Variants in OSBPL1A observed in about 807,000 individuals in gnomAD.
OSBPL1A encodes oxysterol binding protein like 1A, also known as oxysterol-binding protein-related protein 1.
OSBPL1A carries 80 observed loss-of-function variants against 137.1 expected under a neutral mutation model. The observed-to-expected ratio is 0.58, with a 90% confidence interval of 0.49 to 0.70. The LOEUF is 0.70. OSBPL1A is among the 30% of genes least tolerant of loss of function. The pLI is 0.00. For missense variants in OSBPL1A, 970 were observed against 1,129.4 expected, an observed-to-expected ratio of 0.86 and a Z score of 2.02; for synonymous variants, 365 against 389.7, an observed-to-expected ratio of 0.94 and a Z score of 0.75.
chr18:24,354,557 G>A (rs73943434), intron 4 of OSBPL1A, among the ~76,000 whole-genome samples: 18,055 of 151,950 alleles, frequency 0.12, 1,360 homozygotes, highest in African/African-American at 0.22. Context: ...AGAGATAAAT[G>A]ATGCCTTCAA....
At chr18:24,236,199 A>G (rs2088468426) in intron 16 of OSBPL1A, among the ~76,000 whole-genome samples, 1 of 152,236 alleles carries the variant, frequency 6.6e-6, no homozygotes, top group Non-Finnish European at 1.5e-5. Context: ...GCAGACTAAT[A>G]CAGGAATTTC....
At chr18:24,276,745 C>G (rs1477919929) in intron 15 of OSBPL1A, among the ~76,000 whole-genome samples, 1 of 152,066 alleles carries the variant, frequency 6.6e-6, no homozygotes, top group African/African-American at 2.4e-5. Flanking sequence ...GAGCCATAGG[C>G]CATAGCAGTT....
At chr18:24,187,781 T>C (rs112959470) in intron 18 of OSBPL1A, among the ~76,000 whole-genome samples, 3 of 152,316 alleles carry the variant, frequency 2.0e-5, no homozygotes, top group African/African-American at 7.2e-5. Flanking sequence ...AGAAGCAGCA[T>C]GGCATAGGGA....
At chr18:24,258,038 A>C (rs1235714078) in intron 15 of OSBPL1A, among the ~76,000 whole-genome samples, 1 of 152,214 alleles carries the variant, frequency 6.6e-6, no homozygotes, top group Non-Finnish European at 1.5e-5. Context: ...TAGTGCAACC[A>C]CTATGAAGAA....
At chr18:24,392,808 G>A (rs1907449884) in intron 1 of OSBPL1A, among the ~76,000 whole-genome samples, 1 of 151,812 alleles carries the variant, frequency 6.6e-6, no homozygotes, top group South Asian at 2.1e-4. Flanking sequence ...CTCCCATCTT[G>A]GCCTCCTGAG....
intron 16 of OSBPL1A, among the ~76,000 whole-genome samples, chr18:24,229,760 CT>C (rs752983270): frequency 5.4e-5 from 8 of 147,528 alleles, no homozygotes; most frequent in Admixed American, 5.4e-4. Context: ...TTTTTTTTGG[CT>C]TTTTTTTGAG....
At chr18:24,221,832 G>A (rs2087903125) in intron 17 of OSBPL1A, among the ~76,000 whole-genome samples, 1 of 151,962 alleles carries the variant, frequency 6.6e-6, no homozygotes, top group African/African-American at 2.4e-5. Flanking sequence ...TTATTCCTAG[G>A]TATGTGACTT....
intron 14 of OSBPL1A, among the ~76,000 whole-genome samples, chr18:24,290,593 G>C (rs539688365): frequency 6.6e-6 from 1 of 152,312 alleles, no homozygotes; most frequent in Non-Finnish European, 1.5e-5. Flanking sequence ...TGAGACAGGA[G>C]AATCGCTTGA....
At chr18:24,312,762 T>G (rs2090641750) in intron 12 of OSBPL1A, among the ~76,000 whole-genome samples, 1 of 152,176 alleles carries the variant, frequency 6.6e-6, no homozygotes, top group African/African-American at 2.4e-5. Context: ...GTTTACCACT[T>G]TGGAAAATAG....
Position 24,166,631 on chromosome 18 carries a change from C to T in OSBPL1A, c.2607G>A (p.Lys869=). 1 of 1,613,544 alleles carries T rather than the reference C, an allele frequency of 6.2e-7. No homozygotes were observed. Among genetic ancestry groups the T allele is most frequent in the Non-Finnish European group, 8.5e-7 (1 of 1,179,830 alleles). The part of the protein sequence containing the change: ...VDKDMESVIP[K]TDCRLRPDIR... ...TGTCAGGCCGTAACCTGCAGTCTGT[C>T]TTGGGAATCACACTCTCCATGTCTT... The change falls in exon 26 of 28, where the codon AAG becomes AAA. Residue 869 remains lysine (K), a synonymous_variant. Transcript: ENST00000319481.
chr18:24,260,154 T>A (rs76753591), intron 15 of OSBPL1A, among the ~76,000 whole-genome samples: 1,754 of 151,950 alleles, frequency 0.012, 40 homozygotes, highest in African/African-American at 0.038. Flanking sequence ...TAATTTTTTT[T>A]AAAAAAAAGA....
At position 24,164,135 on chromosome 18, in the gene OSBPL1A, G is replaced by T. The variant is rs371187087; in HGVS notation, c.2751-854C>A. Among the ~76,000 whole-genome samples, 26 of 152,266 alleles carry T rather than the reference G, an allele frequency of 1.7e-4. No homozygotes were observed. The East Asian group carries it at 1.9e-3, about 11-fold the overall frequency. ...TGGCAAATTTAGGTTTAAGGTTAAAGACCATGATTTTTCTAATACACCATG... is the reference window on the plus strand; with the variant it reads ...TGGCAAATTTAGGTTTAAGGTTAAATACCATGATTTTTCTAATACACCATG... On this transcript the variant is annotated intron_variant, in intron 27 of 27. Coordinates refer to ENST00000319481, the MANE Select transcript of OSBPL1A (RefSeq NM_080597.4).
Position 24,186,617 on chromosome 18 carries a change from G to A in OSBPL1A, c.1678-5338C>T, listed in dbSNP as rs910528547. ...CTTCTAATCAAGGGTAAAATGAGATGTTACTTTAAAACCTAAGGTGGCTCA... is the reference window on the plus strand; with the variant it reads ...CTTCTAATCAAGGGTAAAATGAGATATTACTTTAAAACCTAAGGTGGCTCA... On this transcript the variant is annotated intron_variant, in intron 18 of 27. Coordinates refer to ENST00000319481, the MANE Select transcript of OSBPL1A (RefSeq NM_080597.4). 2.0e-5 allele frequency among the ~76,000 whole-genome samples: 3 copies of A among 151,956 alleles called. No individual in the cohort carries two copies. The South Asian group carries it at 6.2e-4, about 32-fold the overall frequency.
intron 25 of OSBPL1A, among the ~76,000 whole-genome samples, chr18:24,167,062 G>A (rs2086160097): frequency 6.6e-6 from 1 of 152,216 alleles, no homozygotes; most frequent in Non-Finnish European, 1.5e-5. Flanking sequence ...ATAAGGACCA[G>A]TTTTACCGCT....
intron 15 of OSBPL1A, among the ~76,000 whole-genome samples, chr18:24,240,282 AG>A (rs2088650778): frequency 6.6e-6 from 1 of 152,156 alleles, no homozygotes; most frequent in Non-Finnish European, 1.5e-5. Context: ...CCTTTAACTT[AG>A]TATACTAAAA....
chr18:24,199,196 G>A (rs2087134585), intron 17 of OSBPL1A, among the ~76,000 whole-genome samples: 1 of 151,958 alleles, frequency 6.6e-6, no homozygotes, highest in Non-Finnish European at 1.5e-5. Context: ...AGACCGCCAC[G>A]CAGGAGGACT....
chr18:24,294,560 C>T lies in OSBPL1A; in HGVS notation c.1174+9077G>A, dbSNP rs576638879. On this transcript the variant is annotated intron_variant, in intron 14 of 27. Transcript: ENST00000319481. ...AATATGTAGATTTTAATTTCTCCCC[C>T]AGACTCTTTCCTTCCCAGTCCATAA... Among the ~76,000 whole-genome samples, 3 of 149,478 alleles carry T rather than the reference C, an allele frequency of 2.0e-5. No homozygotes were observed. The South Asian group carries it at 6.3e-4, about 32-fold the overall frequency.
intron 14 of OSBPL1A, among the ~76,000 whole-genome samples, chr18:24,295,417 T>C (rs1339809736): frequency 6.6e-6 from 1 of 152,206 alleles, no homozygotes; most frequent in African/African-American, 2.4e-5. Flanking sequence ...TTTAGTTTAA[T>C]TAGGTTCCAT....
chr18:24,287,315 C>T (rs1002583529), intron 14 of OSBPL1A, among the ~76,000 whole-genome samples: 2 of 152,182 alleles, frequency 1.3e-5, no homozygotes, highest in African/African-American at 4.8e-5. Flanking sequence ...GGTTGAGCCA[C>T]ATATGATCTA....
Sources: gnomAD v4.1 joint callset for allele counts (sites outside exome capture counted in the v4.1 genomes callset) on GRCh38, gnomAD v4.1.1 for gene constraint, MANE v1.5 for transcripts, NCBI Gene and HGNC (gene_info 2026-07-23, HGNC 2026-07-21) for gene names.